The following PRKN variants were observed in gnomAD, a reference collection of about 807,000 sequenced individuals.
PRKN encodes parkin RBR E3 ubiquitin protein ligase.
PRKN carries 56 observed loss-of-function variants against 59.5 expected under a neutral mutation model. The observed-to-expected ratio is 0.94, with a 90% CI of 0.76 to 1.18. PRKN has a LOEUF of 1.18. Among genes scored for constraint, PRKN ranks in the 50% most tolerant of loss-of-function variants. The pLI, the probability that PRKN is intolerant of heterozygous loss-of-function variation, is 0.00. For missense variants in PRKN, 657 were observed against 596.4 expected, an observed-to-expected ratio of 1.10 and a Z score of -1.06; for synonymous variants, 250 against 222.1, an observed-to-expected ratio of 1.13 and a Z score of -1.12.
intron 1 of PRKN, among the ~76,000 whole-genome samples, chr6:162,671,929 G>A (rs1382075011): frequency 6.6e-6 from 1 of 152,030 alleles, no homozygotes; most frequent in East Asian, 1.9e-4. Context: ...AGGTGACGGA[G>A]GCAGACACCA....
chr6:161,968,950 G>A (rs1274467803), intron 6 of PRKN, among the ~76,000 whole-genome samples: 1 of 152,120 alleles, frequency 6.6e-6, no homozygotes, highest in Non-Finnish European at 1.5e-5. Context: ...GTTTCACATT[G>A]TTCTCTCACA....
intron 7 of PRKN, among the ~76,000 whole-genome samples, chr6:161,744,729 C>G (rs16892989): frequency 0.043 from 6,523 of 152,198 alleles, 329 homozygotes; most frequent in African/African-American, 0.12. Context: ...CAGGCCTGTT[C>G]CATTAACGTT....
intron 7 of PRKN, among the ~76,000 whole-genome samples, chr6:161,605,233 A>G (rs772644835): frequency 3.6e-4 from 55 of 152,122 alleles, no homozygotes; most frequent in Non-Finnish European, 1.0e-4. Context: ...GCAGCTTTGG[A>G]GAAAAATGCA....
rs1461392008 is a variant in PRKN at position 161,348,391 on chromosome 6, G to C, written c.*1708C>G. 1 of 221,838 alleles carries C rather than the reference G, an allele frequency of 4.5e-6. No individual in the cohort carries two copies. The highest frequency in any genetic ancestry group is 5.8e-5 in the Admixed American group (1 of 17,294). 13.7% of individuals were successfully genotyped at this position (221,838 alleles called of 1,614,324 possible). A position where few individuals can be genotyped will look rare whatever the true frequency, so the allele number is the denominator to read the frequency against. On this transcript the variant is annotated 3_prime_UTR_variant, in exon 12 of 12. Transcript: ENST00000366898. This position sits in a 1 kb window ranked among gnomAD's most constrained non-coding sequence, Gnocchi z 4.9. The stretch of plus-strand genomic sequence containing the variant: ...TGTGAGCTTTGGGCTTCCTGTCACA[G>C]GTCTGTTGTCACCGTGGGGCCATGT...
intron 1 of PRKN, among the ~76,000 whole-genome samples, chr6:162,458,855 CA>C (rs1285293171): frequency 6.6e-6 from 1 of 152,114 alleles, no homozygotes; most frequent in Admixed American, 6.6e-5. Flanking sequence ...CTCACTCTGT[CA>C]CTAAGGCTGG....
chr6:162,457,372 C>T (rs1790928568), intron 1 of PRKN, among the ~76,000 whole-genome samples: 2 of 151,844 alleles, frequency 1.3e-5, no homozygotes, highest in African/African-American at 2.4e-5. Context: ...TTTAATATCC[C>T]CCAAAAACAT....
intron 1 of PRKN, among the ~76,000 whole-genome samples, chr6:162,642,965 C>A (rs779640610): frequency 6.6e-6 from 1 of 151,848 alleles, no homozygotes; most frequent in Non-Finnish European, 1.5e-5. Context: ...TGGTGGATTG[C>A]GACATTTTAA....
chr6:162,319,796 C>T (rs947657662), intron 2 of PRKN, among the ~76,000 whole-genome samples: 3 of 151,898 alleles, frequency 2.0e-5, no homozygotes, highest in Non-Finnish European at 2.9e-5. Flanking sequence ...ATAATACATA[C>T]ACAAATACAC....
chr6:161,442,741 A>G lies in PRKN; in HGVS notation c.1084-55864T>C, dbSNP rs1008567971. The stretch of plus-strand genomic sequence containing the variant: ...ATGAATGCTTTTCAACGAAGTTGCT[A>G]GAATGCAGCCGTGGAGACGAACAGC... On this transcript the variant is annotated intron_variant, in intron 9 of 11. Transcript: ENST00000366898. The surrounding 1 kb of genome is among the most constrained non-coding windows in gnomAD (Gnocchi z 4.6). Among the ~76,000 whole-genome samples, 2 of 152,244 alleles carry G rather than the reference A, an allele frequency of 1.3e-5. No homozygotes were observed. Among genetic ancestry groups the G allele is most frequent in the Non-Finnish European group, 1.5e-5 (1 of 68,034 alleles).
intron 4 of PRKN, among the ~76,000 whole-genome samples, chr6:162,069,467 G>T (rs1778484534): frequency 6.6e-6 from 1 of 152,148 alleles, no homozygotes; most frequent in Non-Finnish European, 1.5e-5. Context: ...GATGTAACCA[G>T]AAACTGAGTT....
At chr6:162,529,633 G>T (rs1286046541) in intron 1 of PRKN, among the ~76,000 whole-genome samples, 1 of 152,100 alleles carries the variant, frequency 6.6e-6, no homozygotes, top group Non-Finnish European at 1.5e-5. Flanking sequence ...CCATGTCTCA[G>T]GCAGCAGTGA....
chr6:162,573,515 G>A (rs1780436504), intron 1 of PRKN, among the ~76,000 whole-genome samples: 1 of 152,114 alleles, frequency 6.6e-6, no homozygotes, highest in Non-Finnish European at 1.5e-5. Context: ...TACTAAGTCT[G>A]TTCTGTTTAC....
At position 162,138,158 on chromosome 6, in the gene PRKN, C is replaced by T. The variant is rs77756030; in HGVS notation, c.534+62973G>A. Among the ~76,000 whole-genome samples, 54 of 152,202 alleles carry T rather than the reference C, an allele frequency of 3.5e-4. 3 individuals carry two copies. The East Asian group carries it at 9.7e-3, about 27-fold the overall frequency. On this transcript the variant is annotated intron_variant, in intron 4 of 11. Coordinates refer to ENST00000366898, the MANE Select transcript of PRKN (RefSeq NM_004562.3). The stretch of plus-strand genomic sequence containing the variant: ...GTTCTGGAAATTTGCGGATAGACTA[C>T]CTTGAATCTCTGGCTGAATATTATT...
intron 1 of PRKN, among the ~76,000 whole-genome samples, chr6:162,451,564 T>A (rs1003154808): frequency 4.7e-5 from 7 of 150,450 alleles, no homozygotes; most frequent in African/African-American, 1.2e-4. Flanking sequence ...AGCTCTATTT[T>A]AAAAAAAAGA....
intron 7 of PRKN, among the ~76,000 whole-genome samples, chr6:161,784,323 T>G (rs113255957): frequency 3.9e-5 from 6 of 152,300 alleles, no homozygotes; most frequent in African/African-American, 1.4e-4. Context: ...AAACTTTTGT[T>G]CACCAAAGGA....
rs111901770 is a variant in PRKN at position 161,617,194 on chromosome 6, G to A, written c.872-47778C>T. On this transcript the variant is annotated intron_variant, in intron 7 of 11. Coordinates refer to ENST00000366898, the MANE Select transcript of PRKN (RefSeq NM_004562.3). ...GCTTTTTTTCATATGCTTGTTGGCC[G>A]CGTAAATGTCTTCTTTTGAGAAGTG... Among the ~76,000 whole-genome samples, 82 of 152,140 alleles carry A rather than the reference G, an allele frequency of 5.4e-4. 2 individuals carry two copies. Among genetic ancestry groups the A allele is most frequent in the African/African-American group, 1.5e-3 (64 of 41,518 alleles).
intron 1 of PRKN, among the ~76,000 whole-genome samples, chr6:162,696,180 G>C (rs572030415): frequency 6.6e-6 from 1 of 152,054 alleles, no homozygotes; most frequent in Non-Finnish European, 1.5e-5. Context: ...AAAATGTCCC[G>C]GTAGCAATGA....
At chr6:162,592,526 A>T (rs1481163079) in intron 1 of PRKN, among the ~76,000 whole-genome samples, 1 of 152,202 alleles carries the variant, frequency 6.6e-6, no homozygotes, top group Non-Finnish European at 1.5e-5. Context: ...GGAACTGCTC[A>T]TCATGTACCT....
chr6:162,425,537 G>T (rs1304718313), intron 2 of PRKN, among the ~76,000 whole-genome samples: 1 of 152,116 alleles, frequency 6.6e-6, no homozygotes, highest in Non-Finnish European at 1.5e-5. Context: ...ATCAGAAAAG[G>T]CAGTGACATT....
Sources: allele counts gnomAD v4.1 joint callset (sites outside exome capture counted in the v4.1 genomes callset), GRCh38; gene constraint gnomAD v4.1.1; non-coding constraint Gnocchi (gnomAD v3.1); transcripts MANE v1.5; gene names NCBI Gene and HGNC (gene_info 2026-07-23, HGNC 2026-07-21).